Variants in SYT9 observed in about 807,000 individuals in gnomAD.
SYT9 encodes the protein synaptotagmin 9.
SYT9 carries 22 observed loss-of-function variants against 48.4 expected under a neutral mutation model. That is an observed-to-expected ratio of 0.45 (90% CI 0.32 to 0.65). The LOEUF (loss-of-function observed/expected upper bound fraction) is 0.65, where lower values mean the gene tolerates loss of function less well. Among genes scored for constraint, SYT9 ranks in the 30% least tolerant of loss-of-function variants. SYT9 has a pLI of 0.03. For synonymous variants in SYT9, 265 were observed against 245.0 expected, an observed-to-expected ratio of 1.08 and a Z score of -0.76; for missense variants, 577 against 622.0, an observed-to-expected ratio of 0.93 and a Z score of 0.77.
At chr11:7,369,844 C>T (rs1850330029) in intron 3 of SYT9, among the ~76,000 whole-genome samples, 1 of 148,954 alleles carries the variant, frequency 6.7e-6, no homozygotes, top group Non-Finnish European at 1.5e-5. Flanking sequence ...ATAAATTCAA[C>T]ACATAAATTT....
At chr11:7,347,595 G>T (rs1849826588) in intron 3 of SYT9, among the ~76,000 whole-genome samples, 1 of 152,180 alleles carries the variant, frequency 6.6e-6, no homozygotes, top group African/African-American at 2.4e-5. Flanking sequence ...CTTGGGGCTG[G>T]CAGCTGTCAA....
At chr11:7,424,346 A>T (rs1847413683) in intron 6 of SYT9, among the ~76,000 whole-genome samples, 3 of 152,174 alleles carry the variant, frequency 2.0e-5, no homozygotes, top group Non-Finnish European at 2.9e-5. Flanking sequence ...GGGCTTAGGA[A>T]TCGGAGCACC....
intron 6 of SYT9, among the ~76,000 whole-genome samples, chr11:7,444,764 G>A (rs919499576): frequency 1.1e-4 from 17 of 152,108 alleles, no homozygotes; most frequent in Admixed American, 8.5e-4. Flanking sequence ...ATTGATAGGC[G>A]GGAGCTGGGA....
chr11:7,409,614 C>T (rs1312196281), intron 3 of SYT9, among the ~76,000 whole-genome samples: 1 of 151,916 alleles, frequency 6.6e-6, no homozygotes, highest in Non-Finnish European at 1.5e-5. Flanking sequence ...TGTATATTTC[C>T]AGAAATTTAT....
intron 3 of SYT9, 99 bp downstream of exon 3, chr11:7,314,040 C>T: frequency 7.3e-7 from 1 of 1,368,936 alleles, no homozygotes; most frequent in Non-Finnish European, 1.0e-6. Flanking sequence ...TGTAAAATTC[C>T]TGTCAATGTA....
intron 1 of SYT9, among the ~76,000 whole-genome samples, chr11:7,243,709 G>T (rs1207884213): frequency 6.6e-6 from 1 of 152,124 alleles, no homozygotes; most frequent in Non-Finnish European, 1.5e-5. Context: ...GGGGATGGGG[G>T]AGGTTTGCTG....
intron 3 of SYT9, among the ~76,000 whole-genome samples, chr11:7,409,257 G>C (rs1847086954): frequency 6.6e-6 from 1 of 152,098 alleles, no homozygotes; most frequent in East Asian, 1.9e-4. Flanking sequence ...AATCCCATTT[G>C]GTCATGGTAT....
Position 7,303,390 on chromosome 11 carries a change from G to A in SYT9, c.497G>A (p.Arg166Gln), listed in dbSNP as rs573786868. The A allele has an allele frequency of 7.5e-6, 12 of 1,600,756 alleles. No individual in the cohort carries two copies. The highest frequency in any genetic ancestry group is 3.4e-5 in the Admixed American group (2 of 59,520). Residue 166 changes from arginine to glutamine, a missense_variant and splice_region_variant, in exon 2 of 7, where the codon CGG becomes CAG. Arg to Gln is a conservative substitution (Grantham distance 43). Transcript: ENST00000318881. ...GTCACAGAGCCAACCTCGTCGGCCC[G>A]GTCAGTAATGCCTTCTCCTTTCTGA... ...RQVTEPTSSARHNSIRRQLNL... is the reference protein window; with the variant it reads ...RQVTEPTSSAQHNSIRRQLNL...
intron 1 of SYT9, among the ~76,000 whole-genome samples, chr11:7,291,342 G>A (rs1362691346): frequency 6.6e-6 from 1 of 152,192 alleles, no homozygotes; most frequent in Admixed American, 6.5e-5. Flanking sequence ...TTCATCAGAT[G>A]TTGGAAGAGA....
At chr11:7,251,147 TGGTTATTTCTA>T (rs1292881690), upstream of SYT9, among the ~76,000 whole-genome samples, 4 of 140,480 alleles carry the variant, frequency 2.8e-5, no homozygotes, top group Non-Finnish European at 6.2e-5. Context: ...GAGTACTTCG[TGGTTATTTCTA>T]GGCTTTACTG....
intron 1 of SYT9, among the ~76,000 whole-genome samples, chr11:7,297,085 T>TGA (rs1179867342): frequency 1.0e-5 from 1 of 99,102 alleles, no homozygotes; most frequent in African/African-American, 4.1e-5. Flanking sequence ...TGTGTGTGTG[T>TGA]GAGAGAGAGA....
At chr11:7,266,276 C>A (rs190396821) in intron 1 of SYT9, among the ~76,000 whole-genome samples, 8 of 152,174 alleles carry the variant, frequency 5.3e-5, no homozygotes, top group Non-Finnish European at 7.4e-5. Flanking sequence ...GGTCATCCTT[C>A]TTCTGGGGCT....
At chr11:7,332,222 C>T (rs999701914) in intron 3 of SYT9, among the ~76,000 whole-genome samples, 1 of 152,138 alleles carries the variant, frequency 6.6e-6, no homozygotes, top group African/African-American at 2.4e-5. Context: ...TGAAGAGCAC[C>T]ACTGAGGTAT....
Position 7,261,681 on chromosome 11 carries a change from G to A in SYT9, c.145+9350G>A, listed in dbSNP as rs534752191. ...ATGAGTAAAGGTCAGAAGGAAATGT[G>A]GGAGCAAGATACACACGTAGCAGGG... On this transcript the variant is annotated intron_variant, in intron 1 of 6. Coordinates refer to ENST00000318881, the MANE Select transcript of SYT9 (RefSeq NM_175733.4). Among the ~76,000 whole-genome samples the A allele has an allele frequency of 2.0e-5, 3 of 152,216 alleles. No individual in the cohort carries two copies. The South Asian group carries it at 6.2e-4, about 32-fold the overall frequency.
chr11:7,449,449 G>C (rs114346601), intron 6 of SYT9, among the ~76,000 whole-genome samples: 1 of 152,026 alleles, frequency 6.6e-6, no homozygotes, highest in Non-Finnish European at 1.5e-5. Context: ...CAAAGAAAGT[G>C]TTGTGACTTC....
intron 2 of SYT9, among the ~76,000 whole-genome samples, chr11:7,304,868 A>G (rs1331299809): frequency 1.3e-5 from 2 of 152,230 alleles, no homozygotes; most frequent in African/African-American, 4.8e-5. Context: ...AAAGCCTTTT[A>G]GATAGAGTCT....
chr11:7,430,523 T>G (rs1055004701), intron 6 of SYT9, among the ~76,000 whole-genome samples: 1 of 152,368 alleles, frequency 6.6e-6, no homozygotes, highest in South Asian at 2.1e-4. Flanking sequence ...AGTGTTCATA[T>G]TAGTAAAGTT....
intron 3 of SYT9, among the ~76,000 whole-genome samples, chr11:7,322,593 A>T (rs1849356578): frequency 2.0e-5 from 3 of 152,218 alleles, no homozygotes; most frequent in Admixed American, 6.5e-5. Context: ...GAAGGGATTG[A>T]TGAAGCTACA....
intron 3 of SYT9, among the ~76,000 whole-genome samples, chr11:7,372,357 G>C (rs1850378081): frequency 6.6e-6 from 1 of 152,040 alleles, no homozygotes; most frequent in Non-Finnish European, 1.5e-5. Flanking sequence ...ATGTCACCCA[G>C]GCTGAAGTGC....
Sources: gnomAD v4.1 joint callset for allele counts (sites outside exome capture counted in the v4.1 genomes callset) on GRCh38, gnomAD v4.1.1 for gene constraint, MANE v1.5 for transcripts, NCBI Gene and HGNC (gene_info 2026-07-23, HGNC 2026-07-21) for gene names.